Variants in SGCD observed in about 807,000 individuals in gnomAD.
SGCD encodes the protein delta-sarcoglycan.
In SGCD, 18 loss-of-function variants were observed where a neutral mutation model predicts 36.6. The observed-to-expected ratio is 0.49, with a 90% confidence interval of 0.34 to 0.73. The LOEUF (loss-of-function observed/expected upper bound fraction) is 0.73. Ranked by LOEUF, SGCD falls within the 30% of genes least tolerant of loss-of-function variation. SGCD has a pLI of 0.01. For missense variants in SGCD, 387 were observed against 346.7 expected (o/e 1.12, Z -0.92); for synonymous variants, 133 against 130.6 (o/e 1.02, Z -0.12).
rs773961515 is a variant in SGCD at position 156,759,413 on chromosome 5, G to A, written c.*23G>A. The A allele has an allele frequency of 6.4e-7, 1 of 1,561,342 alleles. No individual in the cohort carries two copies. Among genetic ancestry groups the A allele is most frequent in the African/African-American group, 1.4e-5 (1 of 73,394 alleles). ...TGAAAGACTATCCATAGTGGACATT[G>A]TTGGCAGCATAAAGGCCTTTTTTGG... On this transcript the variant is annotated 3_prime_UTR_variant, in exon 9 of 9. Transcript: ENST00000337851.
chr5:156,473,867 G>C (rs1253767276), intron 3 of SGCD, among the ~76,000 whole-genome samples: 1 of 152,068 alleles, frequency 6.6e-6, no homozygotes, highest in African/African-American at 2.4e-5. Flanking sequence ...CAAGGCTTGA[G>C]TGCTGTATGT....
the SGCD span, among the ~76,000 whole-genome samples, chr5:155,757,556 A>G: frequency 6.6e-6 from 1 of 152,136 alleles, no homozygotes; most frequent in Non-Finnish European, 1.5e-5. Flanking sequence ...GATCGACCCA[A>G]GGGTCTCTGA....
At chr5:156,086,558 C>G (rs1761098761) in intron 1 of SGCD, among the ~76,000 whole-genome samples, 1 of 152,178 alleles carries the variant, frequency 6.6e-6, no homozygotes, top group African/African-American at 2.4e-5. Context: ...GAGTTATTGT[C>G]CCATCTGGTG....
intron 3 of SGCD, among the ~76,000 whole-genome samples, chr5:156,497,197 C>G (rs1047758596): frequency 9.0e-6 from 1 of 110,602 alleles, no homozygotes; most frequent in African/African-American, 3.5e-5. Context: ...CTCTCTCTCT[C>G]TCTCTCTCTG....
chr5:155,847,892 T>C, the SGCD span, among the ~76,000 whole-genome samples: 5 of 152,226 alleles, frequency 3.3e-5, no homozygotes, highest in African/African-American at 1.2e-4. Flanking sequence ...TGATAATAAA[T>C]TGTTGTGTCA....
chr5:156,593,985 G>A (rs1400053634), intron 5 of SGCD, among the ~76,000 whole-genome samples: 10 of 152,126 alleles, frequency 6.6e-5, no homozygotes. Context: ...ATCTGAGCTA[G>A]GTTCAGTGAG....
rs371693844 is a variant in SGCD, at chr5:156,554,388, A to T, written c.295-34843A>T. On this transcript the variant is annotated intron_variant, in intron 4 of 8. Coordinates refer to ENST00000337851, the MANE Select transcript of SGCD (RefSeq NM_000337.6). ...AAAAAAAGAATTTTGAAAGAGGGGT[A>T]CCATGTATACATAATTTTTATTATG... 5.3e-5 allele frequency among the ~76,000 whole-genome samples: 8 copies of T among 151,510 alleles called. No individual in the cohort carries two copies. In the East Asian group the frequency reaches 1.5e-3, roughly 29 times the overall value.
At chr5:156,142,587 G>A (rs1047947108) in intron 3 of SGCD, among the ~76,000 whole-genome samples, 8 of 152,200 alleles carry the variant, frequency 5.3e-5, no homozygotes, top group African/African-American at 1.9e-4. Context: ...AGATAGAAAT[G>A]AGGAACTTTT....
At chr5:155,849,646 A>G in the SGCD span, among the ~76,000 whole-genome samples, 53 of 152,310 alleles carry the variant, frequency 3.5e-4, 1 homozygote, top group East Asian at 0.01. Flanking sequence ...TTCAGTAGCA[A>G]TTTCAATTAA....
chr5:156,126,757 T>C (rs949891987), intron 3 of SGCD, among the ~76,000 whole-genome samples: 34 of 152,342 alleles, frequency 2.2e-4, no homozygotes, highest in African/African-American at 8.2e-4. Flanking sequence ...CAAATCAAAG[T>C]TCCAATAAAG....
chr5:155,785,701 T>G, the SGCD span, among the ~76,000 whole-genome samples: 1 of 152,194 alleles, frequency 6.6e-6, no homozygotes, highest in East Asian at 1.9e-4. Context: ...TGCACACATA[T>G]GTGGTAAAAG....
the SGCD span, among the ~76,000 whole-genome samples, chr5:155,751,150 G>A: frequency 6.6e-6 from 1 of 152,200 alleles, no homozygotes; most frequent in African/African-American, 2.4e-5. Flanking sequence ...ACACAAGTGA[G>A]TAACGGATGC....
At chr5:155,796,864 A>G in the SGCD span, among the ~76,000 whole-genome samples, 1 of 151,342 alleles carries the variant, frequency 6.6e-6, no homozygotes, top group Non-Finnish European at 1.5e-5. Context: ...TCAAGAAACT[A>G]GAAAAAGATT....
chr5:155,931,256 A>G (rs1757092687), intron 1 of SGCD, among the ~76,000 whole-genome samples: 1 of 152,214 alleles, frequency 6.6e-6, no homozygotes. Flanking sequence ...ACTTACTATT[A>G]TATGCCTTTA....
chr5:156,620,407 G>A (rs539685117), intron 6 of SGCD, among the ~76,000 whole-genome samples: 3 of 152,148 alleles, frequency 2.0e-5, no homozygotes, highest in Non-Finnish European at 4.4e-5. Flanking sequence ...ATTCTTGTAC[G>A]GGTATCAAAG....
intron 3 of SGCD, among the ~76,000 whole-genome samples, chr5:156,315,277 T>C (rs1185969938): frequency 6.6e-6 from 1 of 151,702 alleles, no homozygotes; most frequent in Admixed American, 6.6e-5. Flanking sequence ...TTTTTTTTTT[T>C]AGATTCCACA....
chr5:155,793,787 A>G, the SGCD span, among the ~76,000 whole-genome samples: 1 of 151,876 alleles, frequency 6.6e-6, no homozygotes, highest in Non-Finnish European at 1.5e-5. Flanking sequence ...GACCTCAGGC[A>G]ATCCGCCTGT....
At chr5:156,640,658 T>C (rs1255550658) in intron 6 of SGCD, among the ~76,000 whole-genome samples, 1 of 152,224 alleles carries the variant, frequency 6.6e-6, no homozygotes, top group Non-Finnish European at 1.5e-5. Flanking sequence ...TTGCAATTCC[T>C]AAATAAGAAA....
chr5:156,380,590 C>A (rs1403309015), intron 3 of SGCD, among the ~76,000 whole-genome samples: 1 of 152,198 alleles, frequency 6.6e-6, no homozygotes, highest in Non-Finnish European at 1.5e-5. Context: ...GCCTGAGTGG[C>A]AGATATTTAG....
Sources: allele counts gnomAD v4.1 joint callset (sites outside exome capture counted in the v4.1 genomes callset), GRCh38; gene constraint gnomAD v4.1.1; transcripts MANE v1.5; gene names NCBI Gene and HGNC (gene_info 2026-07-23, HGNC 2026-07-21).